Variants in CUX1 observed in about 807,000 individuals in gnomAD.
CUX1 encodes cut like homeobox 1.
CUX1 carries 31 observed loss-of-function variants against 158.8 expected under a neutral mutation model. The ratio of observed to expected loss-of-function variants is 0.20; its 90% CI spans 0.15 to 0.26. CUX1 has a LOEUF of 0.26. CUX1 is among the 10% of genes least tolerant of loss of function. CUX1 has a pLI of 1.00. For synonymous variants in CUX1, 879 were observed against 862.1 expected (o/e 1.02, Z -0.34); for missense variants, 1,589 against 2,014.6 (o/e 0.79, Z 4.04).
chr7:101,850,014 T>C (rs1056829120), intron 1 of CUX1, among the ~76,000 whole-genome samples: 3 of 150,884 alleles, frequency 2.0e-5, no homozygotes, highest in Admixed American at 6.7e-5. Context: ...AACCTCCGCT[T>C]CTGGGTTCAA....
chr7:102,154,646 G>T (rs1452411570), intron 8 of CUX1, among the ~76,000 whole-genome samples: 1 of 148,486 alleles, frequency 6.7e-6, no homozygotes, highest in African/African-American at 2.6e-5. Context: ...CTAAAGACCA[G>T]TTAGATCAAG....
intron 20 of CUX1, among the ~76,000 whole-genome samples, chr7:102,205,634 G>A (rs1282447883): frequency 6.6e-6 from 1 of 152,212 alleles, no homozygotes; most frequent in Non-Finnish European, 1.5e-5. Context: ...GTAGCAGAAA[G>A]GAAATGGCCA....
chr7:101,878,735 T>C (rs1799417139), intron 1 of CUX1, among the ~76,000 whole-genome samples: 1 of 152,022 alleles, frequency 6.6e-6, no homozygotes, highest in African/African-American at 2.4e-5. Flanking sequence ...TGCAGTGGTA[T>C]GATCTCGGCT....
chr7:101,888,279 C>T (rs907917081), intron 1 of CUX1, among the ~76,000 whole-genome samples: 12 of 151,784 alleles, frequency 7.9e-5, no homozygotes, highest in East Asian at 1.9e-4. Flanking sequence ...TGTAGTGAGC[C>T]GAGATCGTGC....
chr7:102,207,436 C>A (rs1344182309), intron 20 of CUX1, among the ~76,000 whole-genome samples: 3 of 152,100 alleles, frequency 2.0e-5, no homozygotes, highest in Admixed American at 2.0e-4. Context: ...AAAAAGATTT[C>A]TTATTTGCAG....
chr7:101,964,461 G>A (rs1291344093), intron 2 of CUX1, among the ~76,000 whole-genome samples: 2 of 152,100 alleles, frequency 1.3e-5, no homozygotes, highest in East Asian at 1.9e-4. Context: ...TGATGTTATC[G>A]GCCCTGAGGG....
At chr7:102,094,432 A>G (rs201444) in intron 4 of CUX1, among the ~76,000 whole-genome samples, 29,165 of 152,262 alleles carry the variant, frequency 0.19, 2,942 homozygotes, top group Middle Eastern at 0.29. Context: ...CATTTACAGT[A>G]TAAGGCTCTG....
At position 102,064,862 on chromosome 7, in the gene CUX1, G is replaced by A. The variant is rs567952586; in HGVS notation, c.190-5477G>A. Among the ~76,000 whole-genome samples the A allele has an allele frequency of 2.1e-4, 32 of 152,322 alleles. 1 individual carries two copies. The highest frequency in any genetic ancestry group is 3.7e-4 in the Non-Finnish European group (25 of 68,034). ...TCCCTCTAGACTCAGAACAGCCCAG[G>A]AACCCAGCTCGAGGTCTGGAGGAAG... On this transcript the variant is annotated intron_variant, in intron 3 of 23. Transcript: ENST00000292535.
chr7:102,063,855 T>C (rs1278503375), intron 3 of CUX1, among the ~76,000 whole-genome samples: 1 of 152,234 alleles, frequency 6.6e-6, no homozygotes, highest in Non-Finnish European at 1.5e-5. Flanking sequence ...CAGTTGATGC[T>C]ACAGCTTAGT....
At chr7:102,059,670 T>G (rs185077855) in intron 3 of CUX1, among the ~76,000 whole-genome samples, 125 of 151,890 alleles carry the variant, frequency 8.2e-4, no homozygotes, top group South Asian at 7.1e-3. Flanking sequence ...CCCTCAAGAT[T>G]TGGCCTGCGT....
At chr7:102,221,298 G>A (rs994451797) in intron 20 of CUX1, among the ~76,000 whole-genome samples, 6 of 152,326 alleles carry the variant, frequency 3.9e-5, no homozygotes, top group Middle Eastern at 3.4e-3. Context: ...TCGCCTTATG[G>A]CATGCCAGCA....
intron 6 of CUX1, among the ~76,000 whole-genome samples, chr7:102,107,746 G>C (rs1377670756): frequency 6.6e-6 from 1 of 152,154 alleles, no homozygotes; most frequent in Non-Finnish European, 1.5e-5. Context: ...GGCTAATCAG[G>C]GCCAGAGGTG....
At chr7:102,202,344 T>G in intron 18 of CUX1, 140 bp downstream of exon 18, 1 of 1,202,930 alleles carries the variant, frequency 8.3e-7, no homozygotes, top group Non-Finnish European at 1.1e-6. Flanking sequence ...GCTCCCAGAC[T>G]TCCAAGGTGC....
chr7:102,054,177 C>T (rs1288954894), intron 3 of CUX1, among the ~76,000 whole-genome samples: 3 of 152,200 alleles, frequency 2.0e-5, no homozygotes, highest in East Asian at 1.9e-4. Flanking sequence ...TCCAATTTGT[C>T]GATTTTTCTT....
intron 19 of CUX1, among the ~76,000 whole-genome samples, chr7:102,280,325 G>C (rs1554548904): frequency 6.6e-6 from 1 of 152,148 alleles, no homozygotes; most frequent in Non-Finnish European, 1.5e-5. Flanking sequence ...CCCCAAGACA[G>C]CCTCCCCACC....
chr7:102,090,992 A>C (rs1209222989), intron 4 of CUX1, among the ~76,000 whole-genome samples: 1 of 152,176 alleles, frequency 6.6e-6, no homozygotes, highest in Non-Finnish European at 1.5e-5. Flanking sequence ...ACTTGAACAC[A>C]TGCAGCCTGG....
intron 3 of CUX1, among the ~76,000 whole-genome samples, chr7:102,046,233 A>G (rs527919547): frequency 1.3e-5 from 2 of 152,204 alleles, no homozygotes; most frequent in Admixed American, 6.5e-5. Context: ...GACTTACCCA[A>G]TTCACTTCCC....
In CUX1 at chr7:102,193,879, G is replaced by A. The variant is rs782084566; in HGVS notation, c.1114G>A (p.Ala372Thr). 37 of 1,613,858 alleles carry A rather than the reference G, an allele frequency of 2.3e-5. No individual in the cohort carries two copies. In the South Asian group the frequency reaches 2.9e-4, roughly 12 times the overall value. ...KSMEFAPSEG[A>T]GTQDAAKPLE... ...CATGGAGTTTGCACCGTCCGAGGGC[G>A]CTGGGACACAGGTACGTGTCTCACC... Residue 372 changes from alanine (A) to threonine (T), a missense_variant, in exon 13 of 24, where the codon GCT (alanine) becomes ACT (threonine). By Grantham distance (58) the Ala-to-Thr change is moderately conservative. Around this residue, in one of 8 missense-constraint regions of CUX1, gnomAD observed 515 missense variants for 574.4 expected, o/e 0.90. Transcript: ENST00000292535.
upstream of CUX1, chr7:101,816,812 C>T (rs1791861326): frequency 2.7e-6 from 1 of 372,916 alleles, no homozygotes; most frequent in African/African-American, 2.3e-5. Flanking sequence ...GGTGGCCGGG[C>T]AGGCGCCCGC....
Sources: allele counts gnomAD v4.1 joint callset (sites outside exome capture counted in the v4.1 genomes callset), GRCh38; gene constraint gnomAD v4.1.1; regional missense constraint gnomAD v4.1.1; transcripts MANE v1.5; gene names NCBI Gene and HGNC (gene_info 2026-07-23, HGNC 2026-07-21).